Variants in RPN1 observed in about 807,000 individuals in gnomAD.
RPN1 encodes ribophorin I, also known as dolichyl-diphosphooligosaccharide--protein glycosyltransferase subunit 1.
In RPN1, 12 loss-of-function variants were observed where a neutral mutation model predicts 55.5. The observed-to-expected ratio is 0.22, with a 90% CI of 0.14 to 0.35. The LOEUF is 0.35. Among genes scored for constraint, RPN1 ranks in the 10% least tolerant of loss-of-function variants. The pLI is 1.00. For missense variants in RPN1, 679 were observed against 761.3 expected (o/e 0.89, Z 1.27); for synonymous variants, 317 against 305.9 (o/e 1.04, Z -0.38).
chr3:128,626,130 C>CA, intron 6 of RPN1, 118 bp from the exon 7 acceptor site: 1 of 968,722 alleles, frequency 1.0e-6, no homozygotes, highest in Non-Finnish European at 1.5e-6. Context: ...CACACTCCTC[C>CA]ACTCTGCTCC....
At chr3:128,624,041 C>A (rs953139758) in intron 8 of RPN1, among the ~76,000 whole-genome samples, 10 of 152,054 alleles carry the variant, frequency 6.6e-5, no homozygotes, top group Admixed American at 4.6e-4. Context: ...CTCGAGCCCC[C>A]GCCCCCCCGC....
intron 3 of RPN1, among the ~76,000 whole-genome samples, chr3:128,637,168 T>C (rs1033558673): frequency 5.3e-5 from 8 of 151,982 alleles, no homozygotes; most frequent in African/African-American, 1.9e-4. Flanking sequence ...AGCCCAGGAG[T>C]TTGAGGTTAC....
chr3:128,640,664 G>A (rs1226560291), intron 2 of RPN1, among the ~76,000 whole-genome samples: 1 of 152,096 alleles, frequency 6.6e-6, no homozygotes, highest in Non-Finnish European at 1.5e-5. Context: ...ACTGCCATCT[G>A]ATCAACTCTA....
intron 2 of RPN1, among the ~76,000 whole-genome samples, chr3:128,643,525 G>A (rs763081092): frequency 2.6e-5 from 4 of 151,714 alleles, no homozygotes; most frequent in African/African-American, 4.8e-5. Flanking sequence ...TGTGGGGCAC[G>A]GTGGCTCACA....
At position 128,629,971 on chromosome 3, in the gene RPN1, T is replaced by C. The variant is rs1391977268; in HGVS notation, c.1016A>G (p.Tyr339Cys). 1 of 1,610,294 alleles carries C rather than the reference T, an allele frequency of 6.2e-7. No individual in the cohort carries two copies. The highest frequency in any genetic ancestry group is 1.7e-5 in the Admixed American group (1 of 59,880). ...HYIVGYNLPS[Y>C]EYLYNLGDQY... ...CTGACCCAAATTATAGAGGTACTCATAGCTTGGGAGGTTGTAGCCAACGAT... is the reference window on the plus strand; with the variant it reads ...CTGACCCAAATTATAGAGGTACTCACAGCTTGGGAGGTTGTAGCCAACGAT... The change falls in exon 5 of 10, where the codon TAT (tyrosine) becomes TGT (cysteine). Residue 339 changes from tyrosine (Y) to cysteine (C), a missense_variant. By Grantham distance (194) the Tyr-to-Cys change is radical. Coordinates refer to ENST00000296255, the MANE Select transcript of RPN1 (RefSeq NM_002950.4).
chr3:128,625,110 T>C (rs529738490), intron 8 of RPN1, among the ~76,000 whole-genome samples: 149 of 150,754 alleles, frequency 9.9e-4, no homozygotes, highest in Non-Finnish European at 1.7e-3. Context: ...GAGCAGAGAG[T>C]GGGAGTGGGG....
At chr3:128,631,924 A>G (rs1560022495) in intron 4 of RPN1, 24 bp downstream of exon 4, 1 of 1,611,984 alleles carries the variant, frequency 6.2e-7, no homozygotes, top group Non-Finnish European at 8.5e-7. Flanking sequence ...ATTTCTCACA[A>G]TGTCCAAGTT....
At chr3:128,648,948 T>C (rs1242392893) in intron 1 of RPN1, among the ~76,000 whole-genome samples, 1 of 152,196 alleles carries the variant, frequency 6.6e-6, no homozygotes, top group Admixed American at 6.6e-5. Flanking sequence ...GACTACAGCC[T>C]CCTTGCCTGC....
chr3:128,630,311 TGCGTC>T (rs2069632218), intron 4 of RPN1, among the ~76,000 whole-genome samples, 168 bp from the exon 5 acceptor site: 2 of 152,208 alleles, frequency 1.3e-5, no homozygotes, highest in South Asian at 4.1e-4. Context: ...CACAAAGGTT[TGCGTC>T]GACTTCTCAA....
rs879085226 is a variant in RPN1, at chr3:128,626,835, G to A, written c.1037-3C>T. On this transcript the variant is annotated splice_polypyrimidine_tract_variant and splice_region_variant and intron_variant, in intron 5 of 9. Transcript: ENST00000296255. ...CATCTTCAGTGCATACTGGTCACCT[G>A]AAGGATCAAGCAAGCATAAGCAATG... is the stretch of plus-strand genomic sequence containing the variant. 5 of 1,613,432 alleles carry A rather than the reference G, an allele frequency of 3.1e-6. No homozygotes were observed. Among genetic ancestry groups the A allele is most frequent in the Non-Finnish European group, 4.2e-6 (5 of 1,179,432 alleles).
At chr3:128,629,262 G>C (rs2069624612) in intron 5 of RPN1, among the ~76,000 whole-genome samples, 1 of 151,894 alleles carries the variant, frequency 6.6e-6, no homozygotes, top group Non-Finnish European at 1.5e-5. Context: ...CAGTAAAAAG[G>C]TTTAAAAAAA....
At chr3:128,633,742 T>C (rs1019983280) in intron 3 of RPN1, among the ~76,000 whole-genome samples, 7 of 152,092 alleles carry the variant, frequency 4.6e-5, no homozygotes, top group Admixed American at 1.3e-4. Context: ...AGTGAAACTT[T>C]GGGAGGCCAA....
chr3:128,626,029 A>G lies in RPN1; in HGVS notation c.1137-17T>C, dbSNP rs377599031. ...TCAATGTTCCTGGAAGAAGATGGGA[A>G]TAAAATATAGCCTCCAACCAACTAC... On this transcript the variant is annotated splice_polypyrimidine_tract_variant and intron_variant, in intron 6 of 9. Coordinates refer to ENST00000296255, the MANE Select transcript of RPN1 (RefSeq NM_002950.4). 7.6e-6 allele frequency: 12 copies of G among 1,588,426 alleles called. No individual in the cohort carries two copies. The highest frequency in any genetic ancestry group is 6.9e-5 in the South Asian group (6 of 87,040).
At chr3:128,639,617 T>C (rs1393822057) in intron 2 of RPN1, among the ~76,000 whole-genome samples, 2 of 152,118 alleles carry the variant, frequency 1.3e-5, no homozygotes, top group African/African-American at 4.8e-5. Context: ...GACGGAGTCT[T>C]ACTCTTGTAG....
At chr3:128,641,571 G>T (rs1450347788) in intron 2 of RPN1, among the ~76,000 whole-genome samples, 4 of 150,802 alleles carry the variant, frequency 2.7e-5, no homozygotes, top group South Asian at 2.1e-4. Context: ...TGCTTACTAA[G>T]GCTCCAAGTA....
At chr3:128,635,569 G>A (rs1366198597) in intron 3 of RPN1, among the ~76,000 whole-genome samples, 2 of 149,634 alleles carry the variant, frequency 1.3e-5, no homozygotes, top group African/African-American at 4.9e-5. Flanking sequence ...CCAAAGTGCT[G>A]GGATTACAGG....
At chr3:128,637,526 C>T (rs1399231312) in intron 3 of RPN1, among the ~76,000 whole-genome samples, 1 of 152,072 alleles carries the variant, frequency 6.6e-6, no homozygotes, top group African/African-American at 2.4e-5. Context: ...AGCCTTTGTC[C>T]CTCTTACTGC....
At position 128,632,145 on chromosome 3, in the gene RPN1, C is replaced by G. The variant is rs757004043; in HGVS notation, c.646G>C (p.Val216Leu). The G allele has an allele frequency of 3.1e-6, 5 of 1,614,122 alleles. No homozygotes were observed. In the Admixed American group the frequency reaches 8.3e-5, roughly 27 times the overall value. Residue 216 changes from valine (V) to leucine (L), a missense_variant, in exon 4 of 10, where the codon GTA becomes CTA. Transcript: ENST00000296255. The stretch of plus-strand genomic sequence containing the variant: ...AAAGGGCTGTTGTTCTCATAATGTA[C>G]TTTAAAAGTATCCTGGAAGGAAGGA... ...VPAYSQDTFK[V>L]HYENNSPFLT...
At chr3:128,632,646 G>T (rs753383621) in intron 3 of RPN1, among the ~76,000 whole-genome samples, 5 of 152,144 alleles carry the variant, frequency 3.3e-5, no homozygotes, top group African/African-American at 1.2e-4. Flanking sequence ...CCAGGCTGGA[G>T]TACAATGGTA....
Sources: gnomAD v4.1 joint callset for allele counts (sites outside exome capture counted in the v4.1 genomes callset) on GRCh38, gnomAD v4.1.1 for gene constraint, MANE v1.5 for transcripts, NCBI Gene and HGNC (gene_info 2026-07-23, HGNC 2026-07-21) for gene names.